Variants in AFG2A observed in about 807,000 individuals in gnomAD.
The protein encoded by AFG2A is AAA ATPase AFG2A.
At chr4:122,925,103 C>G in the AFG2A span, among the ~76,000 whole-genome samples, 1 of 152,118 alleles carries the variant, frequency 6.6e-6, no homozygotes, top group African/African-American at 2.4e-5. Flanking sequence ...GTTTTTCCCG[C>G]TGCAAAATTC....
the AFG2A span, among the ~76,000 whole-genome samples, chr4:122,945,793 C>T: frequency 2.0e-5 from 3 of 152,188 alleles, no homozygotes; most frequent in Non-Finnish European, 4.4e-5. Flanking sequence ...CTTGGCTCCT[C>T]CCCGAACTTT....
chr4:122,944,247 A>G, the AFG2A span, among the ~76,000 whole-genome samples: 2 of 151,958 alleles, frequency 1.3e-5, no homozygotes, highest in Admixed American at 6.5e-5. Flanking sequence ...ACTTGGTTCC[A>G]TTCTCCCCGT....
At chr4:122,929,702 G>GAA in the AFG2A span, among the ~76,000 whole-genome samples, 29 of 150,646 alleles carry the variant, frequency 1.9e-4, no homozygotes, top group Non-Finnish European at 3.1e-4. Flanking sequence ...GTGTCTCAAA[G>GAA]AAAAAAAAAG....
the AFG2A span, among the ~76,000 whole-genome samples, chr4:123,256,419 A>G: frequency 6.6e-6 from 1 of 152,234 alleles, no homozygotes; most frequent in Non-Finnish European, 1.5e-5. Context: ...TCAGAGGAAT[A>G]GCATAATATA....
the AFG2A span, among the ~76,000 whole-genome samples, chr4:123,293,585 A>G: frequency 2.0e-5 from 3 of 152,152 alleles, no homozygotes; most frequent in Admixed American, 1.3e-4. Flanking sequence ...ATGTGAAGAT[A>G]CAAGGGTTGA....
chr4:123,090,593 G>A, the AFG2A span: 1 of 1,613,944 alleles, frequency 6.2e-7, no homozygotes, highest in African/African-American at 1.3e-5. Flanking sequence ...TTAGGTGCTG[G>A]GAATGTAGCC....
At chr4:123,256,011 T>C in the AFG2A span, 1 of 1,614,008 alleles carries the variant, frequency 6.2e-7, no homozygotes, top group Non-Finnish European at 8.5e-7. Context: ...TCATTTTCTT[T>C]ATAGGCTTTG....
At chr4:123,002,108 CAG>C in the AFG2A span, among the ~76,000 whole-genome samples, 1 of 152,068 alleles carries the variant, frequency 6.6e-6, no homozygotes, top group Non-Finnish European at 1.5e-5. Context: ...TCTGTTTTAT[CAG>C]AGACTAGGAT....
At chr4:123,207,493 T>A in the AFG2A span, among the ~76,000 whole-genome samples, 2 of 152,042 alleles carry the variant, frequency 1.3e-5, no homozygotes, top group Non-Finnish European at 2.9e-5. Flanking sequence ...TTTGGTTTAG[T>A]TTGTTTTGTT....
the AFG2A span, among the ~76,000 whole-genome samples, chr4:123,046,967 G>T: frequency 6.6e-6 from 1 of 152,080 alleles, no homozygotes; most frequent in South Asian, 2.1e-4. Context: ...CAGATGACAG[G>T]ATCTCATTTT....
the AFG2A span, among the ~76,000 whole-genome samples, chr4:123,026,111 G>A: frequency 5.6e-3 from 31 of 5,580 alleles, no homozygotes; most frequent in African/African-American, 6.4e-3. Context: ...GTGTATGTGT[G>A]TGTGTGTGTG....
chr4:123,173,975 GA>G, the AFG2A span, among the ~76,000 whole-genome samples: 4 of 149,966 alleles, frequency 2.7e-5, no homozygotes, highest in East Asian at 7.8e-4. Flanking sequence ...AGTCCAATAA[GA>G]AAAAAAAAGT....
At chr4:123,281,138 A>G in the AFG2A span, among the ~76,000 whole-genome samples, 58 of 152,296 alleles carry the variant, frequency 3.8e-4, no homozygotes, top group East Asian at 6.7e-3. Flanking sequence ...CTCTAAAGAT[A>G]CAACTGCAAG....
chr4:122,983,156 C>T, the AFG2A span, among the ~76,000 whole-genome samples: 7 of 152,146 alleles, frequency 4.6e-5, no homozygotes, highest in African/African-American at 1.2e-4. Flanking sequence ...GTGAGCACCG[C>T]GCCCAGCCTA....
At chr4:123,002,673 C>T in the AFG2A span, among the ~76,000 whole-genome samples, 32 of 152,232 alleles carry the variant, frequency 2.1e-4, 1 homozygote, top group East Asian at 1.5e-3. Context: ...CCGAGAGATC[C>T]GCTGTTAGTC....
the AFG2A span, chr4:123,028,510 T>C: frequency 1.3e-6 from 1 of 791,732 alleles, no homozygotes; most frequent in Non-Finnish European, 2.0e-6. Flanking sequence ...GTGATTCTTT[T>C]TTTTTTATTT....
chr4:123,191,460 C>G, the AFG2A span, among the ~76,000 whole-genome samples: 1 of 151,634 alleles, frequency 6.6e-6, no homozygotes, highest in South Asian at 2.1e-4. Context: ...AGAAAAGGAA[C>G]CTGTAATTAG....
At chr4:122,969,692 A>G in the AFG2A span, among the ~76,000 whole-genome samples, 1 of 152,114 alleles carries the variant, frequency 6.6e-6, no homozygotes, top group African/African-American at 2.4e-5. Flanking sequence ...GGAAGTTAAT[A>G]CCTTGTAATC....
At chr4:122,952,986 G>A in the AFG2A span, among the ~76,000 whole-genome samples, 1 of 152,142 alleles carries the variant, frequency 6.6e-6, no homozygotes, top group East Asian at 1.9e-4. Flanking sequence ...GTCCCATCAG[G>A]CTTCCACATG....
Sources: allele counts gnomAD v4.1 joint callset (sites outside exome capture counted in the v4.1 genomes callset), GRCh38; gene constraint gnomAD v4.1.1; transcripts MANE v1.5; gene names NCBI Gene and HGNC (gene_info 2026-07-23, HGNC 2026-07-21).